AKAP6: variants seen among roughly 807,000 people sequenced by gnomAD.
AKAP6 encodes the protein A-kinase anchoring protein 6, also known as A-kinase anchor protein 6.
Under a neutral mutation model 188.5 loss-of-function variants are expected in AKAP6, and 58 were observed. That is an observed-to-expected ratio of 0.31 (90% confidence interval 0.25 to 0.38). The LOEUF (loss-of-function observed/expected upper bound fraction) is 0.38. Among genes scored for constraint, AKAP6 ranks in the 10% least tolerant of loss-of-function variants. The probability of loss-of-function intolerance (pLI) is 1.00; values close to 1 mark genes in which losing one functional copy is unlikely to be tolerated. For missense variants in AKAP6, 2,710 were observed against 2,740.0 expected (o/e 0.99, Z 0.24); for synonymous variants, 989 against 998.6 (o/e 0.99, Z 0.18).
At chr14:32,750,282 T>C (rs114811817) in intron 11 of AKAP6, among the ~76,000 whole-genome samples, 3,477 of 152,276 alleles carry the variant, frequency 0.023, 111 homozygotes, top group African/African-American at 0.069. Context: ...TGAGCTTTTT[T>C]TTCCTGTGTC....
At chr14:32,433,136 T>G in intron 1 of AKAP6, 1 of 216,272 alleles carries the variant, frequency 4.6e-6, no homozygotes, top group South Asian at 7.9e-5. Flanking sequence ...GCAAGGGAGA[T>G]AGGGAATGTA....
intron 8 of AKAP6, among the ~76,000 whole-genome samples, chr14:32,683,019 A>C (rs68027797): frequency 0.22 from 32,849 of 148,162 alleles, 4,591 homozygotes; most frequent in East Asian, 0.58. Context: ...TTTGAGACAA[A>C]GCCTTGCTCT....
chr14:32,435,437 G>A (rs1890348249), intron 2 of AKAP6, among the ~76,000 whole-genome samples: 1 of 152,190 alleles, frequency 6.6e-6, no homozygotes, highest in Non-Finnish European at 1.5e-5. Context: ...TTCCAAATAA[G>A]AATGTAAAGT....
intron 10 of AKAP6, 50 bp from the exon 11 acceptor site, chr14:32,735,608 T>A: frequency 7.2e-7 from 1 of 1,395,306 alleles, no homozygotes; most frequent in East Asian, 2.3e-5. Context: ...TTCGTGGGGT[T>A]TTTTTTTGTT....
At chr14:32,786,330 C>T (rs1382949795) in intron 12 of AKAP6, among the ~76,000 whole-genome samples, 40 of 16,232 alleles carry the variant, frequency 2.5e-3, no homozygotes, top group Non-Finnish European at 5.1e-3. Context: ...TTTTTTGAGA[C>T]GGAATCTTGC....
intron 2 of AKAP6, among the ~76,000 whole-genome samples, chr14:32,531,798 C>CA (rs1882428828): frequency 6.6e-6 from 1 of 152,094 alleles, no homozygotes; most frequent in Non-Finnish European, 1.5e-5. Flanking sequence ...GAGATTTATC[C>CA]AAATTGTTAC....
intron 12 of AKAP6, among the ~76,000 whole-genome samples, chr14:32,789,911 T>G (rs2033557272): frequency 3.3e-5 from 5 of 152,058 alleles, no homozygotes; most frequent in Admixed American, 3.3e-4. Flanking sequence ...AGGTGGGTAA[T>G]AATGAATGTT....
intron 1 of AKAP6, among the ~76,000 whole-genome samples, chr14:32,377,687 T>G (rs1165867480): frequency 6.6e-6 from 1 of 152,198 alleles, no homozygotes; most frequent in Non-Finnish European, 1.5e-5. Context: ...TGACTATTTG[T>G]TAGCTGGGTG....
At chr14:32,415,358 T>A (rs2138661291) in intron 1 of AKAP6, among the ~76,000 whole-genome samples, 1 of 151,854 alleles carries the variant, frequency 6.6e-6, no homozygotes, top group South Asian at 2.1e-4. Context: ...TATCCGGAAT[T>A]GTTTTTTAAT....
intron 2 of AKAP6, among the ~76,000 whole-genome samples, chr14:32,471,245 A>T (rs1258717931): frequency 6.6e-6 from 1 of 152,222 alleles, no homozygotes; most frequent in Non-Finnish European, 1.5e-5. Flanking sequence ...TTGTCTCCAT[A>T]ATCATAAAAT....
At chr14:32,774,744 G>GCATACATACATA (rs72019648) in intron 12 of AKAP6, among the ~76,000 whole-genome samples, 1 of 151,416 alleles carries the variant, frequency 6.6e-6, no homozygotes, top group Non-Finnish European at 1.5e-5. Flanking sequence ...TAAATGGAAT[G>GCATACATACATA]CATACATACA....
chr14:32,481,873 A>G (rs1224074339), intron 2 of AKAP6, among the ~76,000 whole-genome samples: 1 of 152,212 alleles, frequency 6.6e-6, no homozygotes, highest in African/African-American at 2.4e-5. Context: ...TTGAAAAATT[A>G]TCTCCAATTA....
At chr14:32,537,659 A>T (rs1487614859) in intron 3 of AKAP6, among the ~76,000 whole-genome samples, 1 of 152,232 alleles carries the variant, frequency 6.6e-6, no homozygotes, top group Non-Finnish European at 1.5e-5. Context: ...CTAGAAGGAG[A>T]TTAAAAATCA....
At chr14:32,454,656 T>TCTCCTTCCCTCCTTCC (rs1253542129) in intron 2 of AKAP6, among the ~76,000 whole-genome samples, 1 of 22,634 alleles carries the variant, frequency 4.4e-5, no homozygotes, top group Non-Finnish European at 7.4e-5. Context: ...TCCTTCCCTC[T>TCTCCTTCCCTCCTTCC]CTCCTTCCCT....
intron 11 of AKAP6, among the ~76,000 whole-genome samples, chr14:32,771,447 A>C (rs562972069): frequency 6.6e-6 from 1 of 152,208 alleles, no homozygotes; most frequent in African/African-American, 2.4e-5. Context: ...CATCTTGATT[A>C]TTCATCTTAA....
At chr14:32,680,746 A>C (rs566580137) in intron 8 of AKAP6, among the ~76,000 whole-genome samples, 1 of 152,378 alleles carries the variant, frequency 6.6e-6, no homozygotes, top group African/African-American at 2.4e-5. Flanking sequence ...TTATGTAACC[A>C]AAATAACTTT....
At chr14:32,510,580 C>T (rs1343181915) in intron 2 of AKAP6, among the ~76,000 whole-genome samples, 9 of 150,190 alleles carry the variant, frequency 6.0e-5, no homozygotes, top group Admixed American at 4.7e-4. Context: ...TTACTTTGTG[C>T]TCACATGGTT....
chr14:32,772,667 C>G (rs867984849), intron 11 of AKAP6, among the ~76,000 whole-genome samples: 79 of 152,258 alleles, frequency 5.2e-4, no homozygotes, highest in African/African-American at 1.8e-3. Context: ...TCTAATGAAG[C>G]CTTATCTAGA....
In AKAP6 at chr14:32,356,869, G is replaced by T. The variant is rs887031100; in HGVS notation, c.-35+27461G>T. 3.9e-5 allele frequency among the ~76,000 whole-genome samples: 6 copies of T among 152,084 alleles called. No homozygotes were observed. The South Asian group carries it at 1.2e-3, about 32-fold the overall frequency. On this transcript the variant is annotated intron_variant, in intron 1 of 13. Coordinates refer to ENST00000280979, the MANE Select transcript of AKAP6 (RefSeq NM_004274.5). ...AATTTGTACTCATCTATCAAGATGG[G>T]CCCAAGTGCTGTCTCCTGGGGAAAC...
Sources: gnomAD v4.1 joint callset for allele counts (sites outside exome capture counted in the v4.1 genomes callset) on GRCh38, gnomAD v4.1.1 for gene constraint, MANE v1.5 for transcripts, NCBI Gene and HGNC (gene_info 2026-07-23, HGNC 2026-07-21) for gene names.